The following AFAP1 variants were observed in gnomAD, a reference collection of about 807,000 sequenced individuals.
AFAP1 encodes the protein actin filament associated protein 1.
A neutral mutation model predicts 93.9 loss-of-function variants in AFAP1; 75 were observed. That is an observed-to-expected ratio of 0.80 (90% CI 0.66 to 0.97). AFAP1 has a LOEUF of 0.97. Among genes scored for constraint, AFAP1 ranks in the 50% least tolerant of loss-of-function variants. The pLI, the probability that AFAP1 is intolerant of heterozygous loss-of-function variation, is 0.00. For missense variants in AFAP1, 1,201 were observed against 1,050.8 expected (o/e 1.14, Z -1.98); for synonymous variants, 517 against 430.7 (o/e 1.20, Z -2.48).
At chr4:7,825,678 T>G (rs1211170647) in intron 6 of AFAP1, among the ~76,000 whole-genome samples, 1 of 152,078 alleles carries the variant, frequency 6.6e-6, no homozygotes, top group African/African-American at 2.4e-5. Context: ...CTTCAGGAAG[T>G]TGCGATAATT....
intron 1 of AFAP1, among the ~76,000 whole-genome samples, chr4:7,884,622 T>C (rs1429811775): frequency 1.3e-5 from 2 of 152,124 alleles, no homozygotes; most frequent in African/African-American, 2.4e-5. Context: ...TTGGGACAAC[T>C]GGTAACTATT....
chr4:7,860,927 T>C (rs1387336881), intron 3 of AFAP1, among the ~76,000 whole-genome samples: 2 of 151,872 alleles, frequency 1.3e-5, no homozygotes, highest in Non-Finnish European at 2.9e-5. Flanking sequence ...CTCGCCTGCC[T>C]CGCTCGCCTC....
intron 3 of AFAP1, chr4:7,862,220 C>G (rs1039826924): frequency 2.0e-4 from 31 of 152,196 alleles, no homozygotes; most frequent in African/African-American, 7.0e-4. Context: ...GTAGTCCCAG[C>G]TACTCGGGAG....
chr4:7,843,050 A>G (rs1276159988), intron 5 of AFAP1, 89 bp downstream of exon 5: 8 of 1,413,912 alleles, frequency 5.7e-6, no homozygotes, highest in African/African-American at 1.4e-5. Context: ...CTTCCTGCAC[A>G]GCTGATGTTA....
At chr4:7,923,166 T>C (rs1034764136) in intron 1 of AFAP1, among the ~76,000 whole-genome samples, 4 of 152,202 alleles carry the variant, frequency 2.6e-5, no homozygotes, top group Non-Finnish European at 5.9e-5. Flanking sequence ...GCAAAGGCCC[T>C]GGGCTCACAG....
intron 5 of AFAP1, among the ~76,000 whole-genome samples, chr4:7,840,513 C>G (rs938797154): frequency 2.0e-5 from 3 of 152,090 alleles, no homozygotes; most frequent in Non-Finnish European, 2.9e-5. Context: ...AGGGTTTCAC[C>G]AGATTGGCCA....
intron 6 of AFAP1, among the ~76,000 whole-genome samples, chr4:7,829,720 T>G (rs887728462): frequency 2.0e-5 from 3 of 152,190 alleles, no homozygotes; most frequent in Admixed American, 6.5e-5. Flanking sequence ...TAACACACTC[T>G]ATTGGCAAGG....
At chr4:7,931,416 G>C (rs1286008051) in intron 1 of AFAP1, among the ~76,000 whole-genome samples, 2 of 152,132 alleles carry the variant, frequency 1.3e-5, no homozygotes, top group Admixed American at 1.3e-4. Context: ...TTCAGAGAGA[G>C]GGTCTTGCTC....
chr4:7,782,574 A>C (rs1357030976), intron 12 of AFAP1, among the ~76,000 whole-genome samples: 1 of 152,262 alleles, frequency 6.6e-6, no homozygotes. Context: ...ATCTGAGAAC[A>C]TGGGTATTAA....
intron 14 of AFAP1, chr4:7,776,368 G>A (rs964968683): frequency 1.3e-5 from 2 of 152,110 alleles, no homozygotes; most frequent in Admixed American, 6.5e-5. Flanking sequence ...GAAACGAGAA[G>A]GAATCCTGTG....
chr4:7,880,264 TG>T (rs1199259710), intron 1 of AFAP1, among the ~76,000 whole-genome samples: 1 of 149,286 alleles, frequency 6.7e-6, no homozygotes, highest in African/African-American at 2.5e-5. Flanking sequence ...GGAGGGACCC[TG>T]GAACCCAAAT....
intron 16 of AFAP1, among the ~76,000 whole-genome samples, chr4:7,771,573 G>A (rs958827555): frequency 5.9e-5 from 9 of 152,172 alleles, no homozygotes; most frequent in Admixed American, 1.3e-4. Context: ...GAACACAGGC[G>A]CTTCGGTGGG....
At chr4:7,924,687 A>T (rs373734845) in intron 1 of AFAP1, among the ~76,000 whole-genome samples, 2 of 152,170 alleles carry the variant, frequency 1.3e-5, no homozygotes, top group Non-Finnish European at 2.9e-5. Flanking sequence ...ATGTGTATAA[A>T]GACAGAACTC....
chr4:7,931,667 G>C (rs1721076585), intron 1 of AFAP1, among the ~76,000 whole-genome samples: 1 of 151,762 alleles, frequency 6.6e-6, no homozygotes, highest in African/African-American at 2.4e-5. Context: ...ACGGGTGTGA[G>C]CCACCACACC....
At chr4:7,767,290 G>A (rs562694383) in intron 17 of AFAP1, among the ~76,000 whole-genome samples, 8 of 152,154 alleles carry the variant, frequency 5.3e-5, no homozygotes, top group Non-Finnish European at 7.4e-5. Context: ...AAAAGGGAGC[G>A]GGGGGCCTGA....
Position 7,809,646 on chromosome 4 carries a change from G to C in AFAP1, c.1022C>G (p.Thr341Ser), listed in dbSNP as rs752285621. The C allele has an allele frequency of 6.2e-7, 1 of 1,613,892 alleles. No individual in the cohort carries two copies. The highest frequency in any genetic ancestry group is 1.1e-5 in the South Asian group (1 of 90,972). Residue 341 changes from threonine to serine, a missense_variant, in exon 9 of 18, where the codon ACC becomes AGC. Transcript: ENST00000420658. ...GKKKPSTDEQ[T>S]SSAEEDVPTC... ...GGGAACATCTTCCTCAGCTGAGGAG[G>C]TCTGCTCGTCTGTGGACGGCTTTTT...
intron 9 of AFAP1, among the ~76,000 whole-genome samples, chr4:7,805,857 G>A (rs1719464136): frequency 6.6e-6 from 1 of 152,152 alleles, no homozygotes; most frequent in Non-Finnish European, 1.5e-5. Context: ...GGCACTTTTG[G>A]TTTTTCTCAA....
At chr4:7,763,855 C>A in intron 17 of AFAP1, 64 bp from the exon 18 acceptor site, 1 of 1,512,478 alleles carries the variant, frequency 6.6e-7, no homozygotes, top group Non-Finnish European at 9.0e-7. Flanking sequence ...CAAGCCACGC[C>A]ACCATCCACA....
intron 16 of AFAP1, among the ~76,000 whole-genome samples, chr4:7,770,576 C>T (rs1290006479): frequency 2.6e-5 from 4 of 152,168 alleles, no homozygotes; most frequent in East Asian, 1.9e-4. Context: ...GGAGGCCAGG[C>T]AGAACCTTCT....
Sources: gnomAD v4.1 joint callset for allele counts (sites outside exome capture counted in the v4.1 genomes callset) on GRCh38, gnomAD v4.1.1 for gene constraint, MANE v1.5 for transcripts, NCBI Gene and HGNC (gene_info 2026-07-23, HGNC 2026-07-21) for gene names.